Variants in ATP2A2 observed in about 807,000 individuals in gnomAD.
The protein encoded by ATP2A2 is sarcoplasmic/endoplasmic reticulum calcium ATPase 2.
In ATP2A2, 14 loss-of-function variants were observed where a neutral mutation model predicts 109.3. The observed-to-expected ratio is 0.13, with a 90% CI of 0.08 to 0.20. ATP2A2 has a LOEUF of 0.20. Ranked by LOEUF, ATP2A2 falls within the 10% of genes least tolerant of loss-of-function variation. The pLI, the probability that ATP2A2 is intolerant of heterozygous loss-of-function variation, is 1.00. For missense variants in ATP2A2, 657 were observed against 1,321.6 expected, an observed-to-expected ratio of 0.50 and a Z score of 7.80; for synonymous variants, 506 against 490.9, an observed-to-expected ratio of 1.03 and a Z score of -0.41.
chr12:110,327,470 G>A lies in ATP2A2; in HGVS notation c.631-83G>A, dbSNP rs1877922519. On this transcript the variant is annotated intron_variant, in intron 7 of 19. Coordinates refer to ENST00000539276, the MANE Select transcript of ATP2A2 (RefSeq NM_170665.4). The surrounding 1 kb of genome is among the most constrained non-coding windows in gnomAD (Gnocchi z 4.4). ...CCTAGTAGAATGTGTAGAGAATCTG[G>A]GTGCCCTAGTCAAAAACCAGCGTCG... 7.9e-7 allele frequency: 1 copy of A among 1,262,052 alleles called. No homozygotes were observed. Among genetic ancestry groups the A allele is most frequent in the African/African-American group, 1.5e-5 (1 of 67,820 alleles). 78.2% of individuals were successfully genotyped at this position (1,262,052 alleles called of 1,614,324 possible). A position where few individuals can be genotyped will look rare whatever the true frequency, so the allele number is the denominator to read the frequency against.
chr12:110,282,490 A>G, intron 1 of ATP2A2, 114 bp from the exon 2 acceptor site: 1 of 1,370,988 alleles, frequency 7.3e-7, no homozygotes, highest in Middle Eastern at 1.8e-4. Flanking sequence ...AAAGATATTG[A>G]TGCTTAGAAT....
chr12:110,310,846 G>GACAGTTA (rs1448619450), intron 5 of ATP2A2, among the ~76,000 whole-genome samples: 3 of 152,018 alleles, frequency 2.0e-5, no homozygotes. Flanking sequence ...TTTTACTTCA[G>GACAGTTA]ACAGTTAACA....
At chr12:110,283,127 T>C (rs1052846924) in intron 3 of ATP2A2, among the ~76,000 whole-genome samples, 2 of 152,256 alleles carry the variant, frequency 1.3e-5, no homozygotes, top group Non-Finnish European at 2.9e-5. Context: ...TCCATTGTTA[T>C]CGTGTTGTAA....
In ATP2A2 at chr12:110,348,664, T is replaced by C; in HGVS notation, c.*2194T>C. The C allele has an allele frequency of 1.0e-6, 1 of 985,100 alleles. No individual in the cohort carries two copies. 61.0% of individuals were successfully genotyped at this position (985,100 alleles called of 1,614,324 possible). A position where few individuals can be genotyped will look rare whatever the true frequency, so the allele number is the denominator to read the frequency against. On this transcript the variant is annotated 3_prime_UTR_variant, in exon 20 of 20. Coordinates refer to ENST00000539276, the MANE Select transcript of ATP2A2 (RefSeq NM_170665.4). ...AGCAGAAGGATTGCTTGAGCCCAGGTACTCAAACCAGCCTGGGCAACAGAG... is the reference window on the plus strand; with the variant it reads ...AGCAGAAGGATTGCTTGAGCCCAGGCACTCAAACCAGCCTGGGCAACAGAG...
At chr12:110,286,848 T>C (rs963013718) in intron 3 of ATP2A2, among the ~76,000 whole-genome samples, 11 of 152,328 alleles carry the variant, frequency 7.2e-5, no homozygotes, top group African/African-American at 2.6e-4. Context: ...TTTCTTTTTA[T>C]GATACTAAGA....
Position 110,344,822 on chromosome 12 carries a change from ATGGCCTCGG to A in ATP2A2, c.2522-59_2522-51del. On this transcript the variant is annotated intron_variant, in intron 16 of 19. Transcript: ENST00000539276. Reference sequence around the variant, plus strand: ...TTCGTCCTTGTGGGGACTGGCCTGCATGGCCTCGGTGGCAGCGAGCCCTGCAGAGGCAAG... The same window carrying A: ...TTCGTCCTTGTGGGGACTGGCCTGCATGGCAGCGAGCCCTGCAGAGGCAAG... 11 of 1,512,826 alleles carry A rather than the reference ATGGCCTCGG, an allele frequency of 7.3e-6. 1 individual carries two copies. The South Asian group carries it at 1.1e-4, about 15-fold the overall frequency. The allele number at this position is 1,512,826 out of a possible 1,614,324, so 93.7% of individuals were successfully genotyped here.
rs1352951737 is a variant in ATP2A2, at chr12:110,346,624, AGTGGG to A, written c.*156_*160del. ...ATTTTGTTTTGCTTTTTCTGACTCC[AGTGGG>A]GCAAGATTTTCCTTTTTTATACACA... On this transcript the variant is annotated 3_prime_UTR_variant, in exon 20 of 20. Coordinates refer to ENST00000539276, the MANE Select transcript of ATP2A2 (RefSeq NM_170665.4). 1 of 1,484,642 alleles carries A rather than the reference AGTGGG, an allele frequency of 6.7e-7. No homozygotes were observed. The highest frequency in any genetic ancestry group is 1.4e-5 in the African/African-American group (1 of 70,988). 92.0% of individuals were successfully genotyped at this position (1,484,642 alleles called of 1,614,324 possible).
At chr12:110,298,867 T>C (rs1874244491) in intron 5 of ATP2A2, among the ~76,000 whole-genome samples, 1 of 152,260 alleles carries the variant, frequency 6.6e-6, no homozygotes, top group South Asian at 2.1e-4. Context: ...ACATTTGTTT[T>C]ATAGTATCAA....
At chr12:110,323,110 C>T in intron 6 of ATP2A2, 38 bp downstream of exon 6, 1 of 1,483,218 alleles carries the variant, frequency 6.7e-7, no homozygotes, top group Non-Finnish European at 9.4e-7. Flanking sequence ...TTTCTGAAGA[C>T]CTTCGCATAT....
intron 5 of ATP2A2, among the ~76,000 whole-genome samples, chr12:110,317,081 G>A (rs193062257): frequency 1.1e-4 from 16 of 152,292 alleles, no homozygotes; most frequent in African/African-American, 3.8e-4. Context: ...GTTTAAAGTA[G>A]TCAAGTAGAG....
chr12:110,302,877 G>A (rs552903615), intron 5 of ATP2A2, among the ~76,000 whole-genome samples: 2 of 152,196 alleles, frequency 1.3e-5, no homozygotes, highest in South Asian at 4.2e-4. Flanking sequence ...GATTACAGGC[G>A]TGAGCCACCG....
At chr12:110,341,196 A>C (rs1436788420) in intron 14 of ATP2A2, among the ~76,000 whole-genome samples, 2 of 151,206 alleles carry the variant, frequency 1.3e-5, no homozygotes, top group Non-Finnish European at 2.9e-5. Flanking sequence ...TTTAAAACCC[A>C]GAAGGGCCTT....
chr12:110,306,641 G>T (rs1296546970), intron 5 of ATP2A2, among the ~76,000 whole-genome samples: 1 of 152,162 alleles, frequency 6.6e-6, no homozygotes, highest in African/African-American at 2.4e-5. Flanking sequence ...AACTCACTTA[G>T]GATAATAGTC....
rs573102943 is a variant in ATP2A2 at position 110,292,249 on chromosome 12, A to G, written c.324+125A>G. 32 of 774,196 alleles carry G rather than the reference A, an allele frequency of 4.1e-5. No homozygotes were observed. The East Asian group carries it at 7.5e-4, about 18-fold the overall frequency. 48.0% of individuals were successfully genotyped at this position (774,196 alleles called of 1,614,324 possible). ...AAAAATATGTTTGCGGGAAGTTTACATGTATTTTCCCTTTATTCCATAAAT... is the reference window on the plus strand; with the variant it reads ...AAAAATATGTTTGCGGGAAGTTTACGTGTATTTTCCCTTTATTCCATAAAT... On this transcript the variant is annotated intron_variant, in intron 4 of 19. Transcript: ENST00000539276.
rs1472237478 is a variant in ATP2A2 at position 110,281,746 on chromosome 12, A to C, written c.-44A>C. On this transcript the variant is annotated 5_prime_UTR_variant, in exon 1 of 20. Transcript: ENST00000539276. ...GCCGGAGTGCGAGGCGGAGGCGAGG[A>C]GGCCGCGGGGACGGGAGGCGAGGCC... 1.4e-6 allele frequency: 2 copies of C among 1,387,338 alleles called. No individual in the cohort carries two copies. 85.9% of individuals were successfully genotyped at this position (1,387,338 alleles called of 1,614,324 possible).
At chr12:110,345,017 G>A in intron 17 of ATP2A2, 46 bp downstream of exon 17, 3 of 1,592,348 alleles carry the variant, frequency 1.9e-6, no homozygotes, top group Non-Finnish European at 2.6e-6. Flanking sequence ...GAAGTGTTGT[G>A]AGGCCTTGAC....
chr12:110,328,713 A>G (rs1026428344), intron 8 of ATP2A2, among the ~76,000 whole-genome samples: 2 of 152,142 alleles, frequency 1.3e-5, no homozygotes, highest in Non-Finnish European at 2.9e-5. Context: ...CCACAAGTGC[A>G]TGCCACCATG....
At chr12:110,345,031 T>C (rs1592867211) in intron 17 of ATP2A2, 60 bp downstream of exon 17, 2 of 1,568,964 alleles carry the variant, frequency 1.3e-6, no homozygotes. Flanking sequence ...CCTTGACCTT[T>C]CTGTGGTTTC....
chr12:110,305,946 T>G (rs1351149934), intron 5 of ATP2A2, among the ~76,000 whole-genome samples: 1 of 152,110 alleles, frequency 6.6e-6, no homozygotes, highest in Non-Finnish European at 1.5e-5. Context: ...GTCTTGTGCT[T>G]CTTTTGTTAT....
Sources: gnomAD v4.1 joint callset for allele counts (sites outside exome capture counted in the v4.1 genomes callset) on GRCh38, gnomAD v4.1.1 for gene constraint, Gnocchi (gnomAD v3.1) non-coding constraint, MANE v1.5 for transcripts, NCBI Gene and HGNC (gene_info 2026-07-23, HGNC 2026-07-21) for gene names.